IQCB1: variants seen among roughly 807,000 people sequenced by gnomAD.
IQCB1 encodes IQ motif containing B1, also known as IQ calmodulin-binding motif-containing protein 1.
A neutral mutation model predicts 84.4 loss-of-function variants in IQCB1; 56 were observed. The ratio of observed to expected loss-of-function variants is 0.66; its 90% CI spans 0.54 to 0.83. IQCB1 has a LOEUF of 0.83. Ranked by LOEUF, IQCB1 falls within the 40% of genes least tolerant of loss-of-function variation. The probability of loss-of-function intolerance (pLI) is 0.00; values close to 1 mark genes in which losing one functional copy is unlikely to be tolerated. For synonymous variants in IQCB1, 210 were observed against 234.8 expected, an observed-to-expected ratio of 0.89 and a Z score of 0.96; for missense variants, 629 against 682.1, an observed-to-expected ratio of 0.92 and a Z score of 0.87.
At position 121,799,050 on chromosome 3, in the gene IQCB1, T is replaced by G. The variant is rs1430130905; in HGVS notation, c.766+146A>C. ...ATAGCTTGATTATATAAAGACTTTT[T>G]TTTTTCTGAATTGGTATCTGTTGTG... On this transcript the variant is annotated intron_variant, in intron 8 of 14. Coordinates refer to ENST00000310864, the MANE Select transcript of IQCB1 (RefSeq NM_001023570.4). 4.9e-6 allele frequency: 3 copies of G among 615,326 alleles called. No individual in the cohort carries two copies. The South Asian group carries it at 6.1e-5, about 12-fold the overall frequency. The allele number at this position is 615,326 out of a possible 1,614,324, so 38.1% of individuals were successfully genotyped here. A position where few individuals can be genotyped will look rare whatever the true frequency, so the allele number is the denominator to read the frequency against.
chr3:121,795,672 T>C, intron 9 of IQCB1, 106 bp from the exon 10 acceptor site: 1 of 712,930 alleles, frequency 1.4e-6, no homozygotes, highest in South Asian at 1.6e-5. Flanking sequence ...AATCTCTAGC[T>C]CTAACAAGAT....
At position 121,781,754 on chromosome 3, in the gene IQCB1, T is replaced by C. The variant is rs749390920; in HGVS notation, c.1399A>G (p.Arg467Gly). 1.2e-6 allele frequency: 2 copies of C among 1,613,596 alleles called. No homozygotes were observed. Among genetic ancestry groups the C allele is most frequent in the Non-Finnish European group, 1.7e-6 (2 of 1,179,602 alleles). The change falls in exon 13 of 15, where the codon AGA (arginine) becomes GGA (glycine). Residue 467 changes from arginine to glycine, a missense_variant. By Grantham distance (125) the Arg-to-Gly change is moderately radical. Coordinates refer to ENST00000310864, the MANE Select transcript of IQCB1 (RefSeq NM_001023570.4). ...CAGAAGCTTCATACCAAATGTCTTC[T>C]GACATAGTCATCCACTCGTTTCTTC... ...ELKKRVDDYV[R>G]RHLGSPMSDV...
At chr3:121,801,064 T>A (rs1403065456) in intron 7 of IQCB1, among the ~76,000 whole-genome samples, 1 of 151,986 alleles carries the variant, frequency 6.6e-6, no homozygotes. Context: ...TGACCATTCT[T>A]TTTCATTTGT....
At chr3:121,799,529 T>C (rs1949327560) in intron 7 of IQCB1, among the ~76,000 whole-genome samples, 155 bp from the exon 8 acceptor site, 1 of 151,872 alleles carries the variant, frequency 6.6e-6, no homozygotes, top group Non-Finnish European at 1.5e-5. Flanking sequence ...TCCAAGAAGA[T>C]ATCATATTCA....
intron 5 of IQCB1, among the ~76,000 whole-genome samples, chr3:121,812,377 T>C (rs1162227562): frequency 6.6e-6 from 1 of 152,136 alleles, no homozygotes; most frequent in African/African-American, 2.4e-5. Flanking sequence ...CACCAAATGA[T>C]CGCGATTCCT....
intron 6 of IQCB1, among the ~76,000 whole-genome samples, chr3:121,808,274 A>G (rs1022133409): frequency 6.6e-6 from 1 of 152,004 alleles, no homozygotes; most frequent in African/African-American, 2.4e-5. Context: ...AATGATTCTG[A>G]GGAGAAAAGC....
At chr3:121,824,554 A>G (rs764402679) in intron 5 of IQCB1, among the ~76,000 whole-genome samples, 2 of 152,008 alleles carry the variant, frequency 1.3e-5, no homozygotes, top group Non-Finnish European at 2.9e-5. Context: ...AGACTTCAAG[A>G]TAAGGTCTAT....
intron 6 of IQCB1, among the ~76,000 whole-genome samples, 188 bp downstream of exon 6, chr3:121,808,728 A>T (rs2108594634): frequency 6.6e-6 from 1 of 152,130 alleles, no homozygotes; most frequent in Middle Eastern, 3.4e-3. Flanking sequence ...TAATATTCAC[A>T]TTGTTGATGT....
At chr3:121,795,624 AAG>A in intron 9 of IQCB1, 58 bp from the exon 10 acceptor site, 1 of 954,380 alleles carries the variant, frequency 1.0e-6, no homozygotes, top group Non-Finnish European at 1.7e-6. Context: ...AAAAAAAAAA[AAG>A]TTTACCTCTT....
intron 7 of IQCB1, among the ~76,000 whole-genome samples, chr3:121,806,616 C>T (rs938717227): frequency 6.6e-6 from 1 of 152,002 alleles, no homozygotes; most frequent in Non-Finnish European, 1.5e-5. Context: ...ATATACCATC[C>T]TTGAAGTTTC....
intron 5 of IQCB1, among the ~76,000 whole-genome samples, chr3:121,815,322 C>T (rs1470453575): frequency 1.3e-5 from 2 of 152,164 alleles, no homozygotes; most frequent in African/African-American, 2.4e-5. Flanking sequence ...TGGGCAAAAG[C>T]TGGAAGCATT....
chr3:121,772,520 GT>G, intron 14 of IQCB1, 36 bp downstream of exon 14: 1 of 1,610,604 alleles, frequency 6.2e-7, no homozygotes, highest in African/African-American at 1.3e-5. Context: ...CGCATAGGTT[GT>G]TCCTTTTAGA....
At chr3:121,771,525 C>T (rs538639573) in intron 14 of IQCB1, among the ~76,000 whole-genome samples, 11 of 152,172 alleles carry the variant, frequency 7.2e-5, no homozygotes, top group African/African-American at 2.6e-4. Context: ...GATGGGGTTT[C>T]ACCATGTTGG....
rs1485134925 is a variant in IQCB1 at position 121,799,250 on chromosome 3, C to G, written c.712G>C (p.Ala238Pro). Reference protein sequence around the residue: ...STATKLLLLMAESHQEILILL... With the variant: ...STATKLLLLMPESHQEILILL... ...ATCAAAATTTCCTGATGGGATTCAG[C>G]CATCAACAGTAGGAGTTTTGTAGCA... Residue 238 changes from alanine to proline, a missense_variant, in exon 8 of 15, where the codon GCT (alanine) becomes CCT (proline). Physicochemically the swap from Ala to Pro is conservative, Grantham distance 27 (BLOSUM62 -1). Coordinates refer to ENST00000310864, the MANE Select transcript of IQCB1 (RefSeq NM_001023570.4). 6.2e-7 allele frequency: 1 copy of G among 1,610,712 alleles called. No individual in the cohort carries two copies. The highest frequency in any genetic ancestry group is 1.3e-5 in the African/African-American group (1 of 74,768).
At chr3:121,803,729 T>C (rs1055731182) in intron 7 of IQCB1, among the ~76,000 whole-genome samples, 4 of 152,198 alleles carry the variant, frequency 2.6e-5, no homozygotes, top group Non-Finnish European at 5.9e-5. Context: ...TATTCTTTGT[T>C]CTGTAACTTA....
At chr3:121,771,786 T>C (rs1161668136) in intron 14 of IQCB1, among the ~76,000 whole-genome samples, 1 of 152,154 alleles carries the variant, frequency 6.6e-6, no homozygotes, top group Non-Finnish European at 1.5e-5. Flanking sequence ...ACTAAAGAAA[T>C]CCAAGATGCT....
chr3:121,776,086 G>A (rs1053555761), intron 13 of IQCB1, among the ~76,000 whole-genome samples: 1 of 151,630 alleles, frequency 6.6e-6, no homozygotes, highest in Non-Finnish European at 1.5e-5. Context: ...TGAAGACAGG[G>A]TCTCACTCTC....
At chr3:121,833,232 C>T (rs752627131) in intron 2 of IQCB1, among the ~76,000 whole-genome samples, 2 of 152,112 alleles carry the variant, frequency 1.3e-5, no homozygotes, top group Non-Finnish European at 2.9e-5. Flanking sequence ...ATTTTAAGAC[C>T]ATCTTTGCTG....
intron 12 of IQCB1, 92 bp downstream of exon 12, chr3:121,788,191 AC>A (rs1948812340): frequency 2.4e-6 from 3 of 1,264,312 alleles, no homozygotes; most frequent in Non-Finnish European, 2.3e-6. Context: ...AAGTGTCTTG[AC>A]CAAGGCTTTA....
Sources: allele counts gnomAD v4.1 joint callset (sites outside exome capture counted in the v4.1 genomes callset), GRCh38; gene constraint gnomAD v4.1.1; transcripts MANE v1.5; gene names NCBI Gene and HGNC (gene_info 2026-07-23, HGNC 2026-07-21).